The following GABRA2 variants were observed in gnomAD, a reference collection of about 807,000 sequenced individuals.
GABRA2 encodes gamma-aminobutyric acid receptor subunit alpha-2.
In GABRA2, 16 loss-of-function variants were observed where a neutral mutation model predicts 48.7. The observed-to-expected ratio is 0.33, with a 90% CI of 0.22 to 0.50. The LOEUF is 0.50. Ranked by LOEUF, GABRA2 falls within the 20% of genes least tolerant of loss-of-function variation. The pLI is 0.98. For synonymous variants in GABRA2, 185 were observed against 184.5 expected (o/e 1.00, Z -0.02); for missense variants, 275 against 535.6 (o/e 0.51, Z 4.80).
At chr4:46,268,429 A>G (rs1453942963) in intron 8 of GABRA2, among the ~76,000 whole-genome samples, 1 of 151,970 alleles carries the variant, frequency 6.6e-6, no homozygotes, top group Non-Finnish European at 1.5e-5. Flanking sequence ...TAGTTGACAG[A>G]TACATGAAAA....
rs199703242 is a variant in GABRA2, at chr4:46,250,110, C to A, written c.*198G>T. 1 of 507,220 alleles carries A rather than the reference C, an allele frequency of 2.0e-6. No homozygotes were observed. The highest frequency in any genetic ancestry group is 3.0e-5 in the East Asian group (1 of 32,874). The allele number at this position is 507,220 out of a possible 1,614,324, so 31.4% of individuals were successfully genotyped here. Reference sequence around the variant, plus strand: ...CTTTAAAAAAGGCAATGGCTGTTTTCGCATGGAGTGCTTTCTGTCTGCAGT... The same window carrying A: ...CTTTAAAAAAGGCAATGGCTGTTTTAGCATGGAGTGCTTTCTGTCTGCAGT... On this transcript the variant is annotated 3_prime_UTR_variant, in exon 10 of 10. Coordinates refer to ENST00000381620, the MANE Select transcript of GABRA2 (RefSeq NM_000807.4).
rs1322712224 is a variant in GABRA2, at chr4:46,330,589, T to TAG, written c.255+2025_255+2026insCT. Reference sequence around the variant, plus strand: ...ATATATATATATATATATATATATATATAGAGAGAGAGAGAGAGAGATGTT... The same window carrying TAG: ...ATATATATATATATATATATATATATAGATAGAGAGAGAGAGAGAGAGATGTT... On this transcript the variant is annotated intron_variant, in intron 4 of 9. Transcript: ENST00000381620. 9.3e-3 allele frequency among the ~76,000 whole-genome samples: 1,163 copies of TAG among 124,608 alleles called. 11 individuals carry two copies. The highest frequency in any genetic ancestry group is 0.017 in the Middle Eastern group (4 of 240). The allele number at this position is 124,608 out of a possible 152,430, so 81.7% of individuals were successfully genotyped here.
intron 9 of GABRA2, among the ~76,000 whole-genome samples, chr4:46,253,322 A>G (rs1443978739): frequency 6.6e-6 from 1 of 151,362 alleles, no homozygotes; most frequent in East Asian, 2.0e-4. Flanking sequence ...GAGCAGAGGG[A>G]CTAACCAATC....
chr4:46,288,386 GGAT>G (rs1722959618), intron 8 of GABRA2, among the ~76,000 whole-genome samples: 1 of 152,094 alleles, frequency 6.6e-6, no homozygotes, highest in South Asian at 2.1e-4. Flanking sequence ...TTCAGAAATA[GGAT>G]GATGTCAACT....
chr4:46,305,280 GGAGGGATA>G (rs1454293386), intron 7 of GABRA2, among the ~76,000 whole-genome samples: 1 of 108,096 alleles, frequency 9.3e-6, no homozygotes, highest in Non-Finnish European at 1.8e-5. Flanking sequence ...GGGGGAGGGG[GGAGGGATA>G]GCATTAGGAG....
intron 8 of GABRA2, among the ~76,000 whole-genome samples, chr4:46,265,762 G>A (rs1260993018): frequency 1.3e-5 from 2 of 151,494 alleles, no homozygotes; most frequent in African/African-American, 4.8e-5. Flanking sequence ...CAAGGAAGAT[G>A]GTTAAGTTAT....
intron 4 of GABRA2, among the ~76,000 whole-genome samples, chr4:46,323,842 T>G (rs1729867779): frequency 6.6e-6 from 1 of 151,756 alleles, no homozygotes; most frequent in Admixed American, 6.6e-5. Flanking sequence ...AAATTTGAAC[T>G]TGGCTTTGAC....
intron 8 of GABRA2, among the ~76,000 whole-genome samples, chr4:46,283,177 A>G (rs1477745843): frequency 2.6e-5 from 4 of 152,206 alleles, no homozygotes; most frequent in African/African-American, 9.7e-5. Flanking sequence ...CAGATTCTCC[A>G]GTTGTAAGAC....
intron 3 of GABRA2, among the ~76,000 whole-genome samples, chr4:46,370,020 C>T (rs1315278077): frequency 6.6e-6 from 1 of 151,900 alleles, no homozygotes; most frequent in African/African-American, 2.4e-5. Flanking sequence ...GAAATTAATT[C>T]AGTGAATCTG....
At chr4:46,306,281 T>C (rs1726682733) in intron 6 of GABRA2, among the ~76,000 whole-genome samples, 1 of 152,174 alleles carries the variant, frequency 6.6e-6, no homozygotes, top group African/African-American at 2.4e-5. Flanking sequence ...TCATGCTCGT[T>C]TTTAAATGAA....
chr4:46,385,939 TCTTA>T (rs1419318953), intron 3 of GABRA2, 131 bp downstream of exon 3: 10 of 604,794 alleles, frequency 1.7e-5, no homozygotes, highest in East Asian at 5.9e-5. Context: ...TTTTCATATA[TCTTA>T]CTTTCTATTT....
chr4:46,372,016 T>C (rs531815094), intron 3 of GABRA2, among the ~76,000 whole-genome samples: 217 of 152,288 alleles, frequency 1.4e-3, no homozygotes, highest in Non-Finnish European at 2.6e-3. Context: ...AAATGCAGCA[T>C]CTTGAGCCCA....
intron 3 of GABRA2, among the ~76,000 whole-genome samples, chr4:46,377,782 C>A (rs1322071397): frequency 2.1e-5 from 3 of 140,688 alleles, no homozygotes; most frequent in Non-Finnish European, 4.7e-5. Flanking sequence ...AAGTGAGGGG[C>A]GCCTCTGCCC....
chr4:46,356,675 T>C (rs1166483682), intron 3 of GABRA2, among the ~76,000 whole-genome samples: 1 of 152,156 alleles, frequency 6.6e-6, no homozygotes, highest in African/African-American at 2.4e-5. Flanking sequence ...GATTAGTATA[T>C]TCTATTTTCT....
intron 3 of GABRA2, among the ~76,000 whole-genome samples, chr4:46,333,475 T>TA (rs1280822651): frequency 6.6e-6 from 1 of 152,100 alleles, no homozygotes; most frequent in East Asian, 1.9e-4. Flanking sequence ...AAACACGTCA[T>TA]TAATGTTTAT....
At chr4:46,280,407 T>C (rs886207775) in intron 8 of GABRA2, among the ~76,000 whole-genome samples, 21 of 152,156 alleles carry the variant, frequency 1.4e-4, no homozygotes, top group Middle Eastern at 6.8e-3. Context: ...CCAGTGTGGA[T>C]GTTAGGGAAA....
At chr4:46,371,245 T>C (rs964569504) in intron 3 of GABRA2, among the ~76,000 whole-genome samples, 1 of 152,128 alleles carries the variant, frequency 6.6e-6, no homozygotes, top group African/African-American at 2.4e-5. Flanking sequence ...ATACAAATCA[T>C]ATATAATATT....
At chr4:46,335,760 C>T (rs1471075860) in intron 3 of GABRA2, among the ~76,000 whole-genome samples, 1 of 152,072 alleles carries the variant, frequency 6.6e-6, no homozygotes, top group Non-Finnish European at 1.5e-5. Context: ...CATGAGCCAC[C>T]GTGCCTGGCC....
At chr4:46,359,008 G>C (rs1289107661) in intron 3 of GABRA2, among the ~76,000 whole-genome samples, 1 of 152,060 alleles carries the variant, frequency 6.6e-6, no homozygotes, top group Non-Finnish European at 1.5e-5. Context: ...ACACACACCT[G>C]TTATACCAAA....
Sources: allele counts gnomAD v4.1 joint callset (sites outside exome capture counted in the v4.1 genomes callset), GRCh38; gene constraint gnomAD v4.1.1; transcripts MANE v1.5; gene names NCBI Gene and HGNC (gene_info 2026-07-23, HGNC 2026-07-21).